HERC3: variants seen among roughly 807,000 people sequenced by gnomAD.
HERC3 encodes HECT and RLD domain containing E3 ubiquitin protein ligase 3, also known as probable E3 ubiquitin-protein ligase HERC3.
In HERC3, 58 loss-of-function variants were observed where a neutral mutation model predicts 129.9. The ratio of observed to expected loss-of-function variants is 0.45; its 90% CI spans 0.36 to 0.56. HERC3 has a LOEUF of 0.56. Ranked by LOEUF, HERC3 falls within the 20% of genes least tolerant of loss-of-function variation. The pLI is 0.00. For synonymous variants in HERC3, 430 were observed against 451.0 expected, an observed-to-expected ratio of 0.95 and a Z score of 0.59; for missense variants, 835 against 1,244.2, an observed-to-expected ratio of 0.67 and a Z score of 4.95.
the HERC3 span, among the ~76,000 whole-genome samples, chr4:88,532,166 T>G: frequency 1.3e-5 from 2 of 152,286 alleles, no homozygotes; most frequent in African/African-American, 4.8e-5. Flanking sequence ...AATAGTGGCC[T>G]GAAACACTAT....
chr4:88,550,582 G>A, the HERC3 span, among the ~76,000 whole-genome samples: 178 of 152,240 alleles, frequency 1.2e-3, no homozygotes, highest in African/African-American at 4.0e-3. Flanking sequence ...TACAAGGGAC[G>A]TGAAGGACCT....
At position 88,681,142 on chromosome 4, in the gene HERC3, G is replaced by T; in HGVS notation, c.2341-17G>T. On this transcript the variant is annotated splice_polypyrimidine_tract_variant and intron_variant, in intron 20 of 25. Coordinates refer to ENST00000402738, the MANE Select transcript of HERC3 (RefSeq NM_014606.3). Reference sequence around the variant, plus strand: ...CATTGCATTTCTTTTTAACACATTTGTATGTGTCCTAAAAAGTGTTTTGTA... The same window carrying T: ...CATTGCATTTCTTTTTAACACATTTTTATGTGTCCTAAAAAGTGTTTTGTA... 6.3e-7 allele frequency: 1 copy of T among 1,589,604 alleles called. No individual in the cohort carries two copies. The highest frequency in any genetic ancestry group is 8.6e-7 in the Non-Finnish European group (1 of 1,168,790).
chr4:88,682,936 T>C (rs185504541), intron 21 of HERC3, among the ~76,000 whole-genome samples: 2,347 of 152,216 alleles, frequency 0.015, 55 homozygotes, highest in African/African-American at 0.054. Flanking sequence ...TACAGTCCCA[T>C]CAACAGTGTA....
chr4:88,557,729 C>T, the HERC3 span, among the ~76,000 whole-genome samples: 2 of 152,072 alleles, frequency 1.3e-5, no homozygotes, highest in African/African-American at 4.8e-5. Flanking sequence ...TTAATACAAC[C>T]ACTGTGGAAA....
intron 3 of HERC3, among the ~76,000 whole-genome samples, chr4:88,627,624 C>A (rs1012459077): frequency 6.6e-6 from 1 of 151,890 alleles, no homozygotes; most frequent in East Asian, 1.9e-4. Context: ...ATTTAGTGGC[C>A]GGGCATGGTG....
chr4:88,695,938 T>C (rs996533093), intron 23 of HERC3: 2 of 152,624 alleles, frequency 1.3e-5, no homozygotes, highest in African/African-American at 2.4e-5. Flanking sequence ...TACTGTTTTA[T>C]TAACACCACA....
At position 88,674,705 on chromosome 4, in the gene HERC3, A is replaced by C. The variant is rs1731975298; in HGVS notation, c.1912-1513A>C. Among the ~76,000 whole-genome samples the C allele has an allele frequency of 1.3e-5, 2 of 152,052 alleles. 1 individual carries two copies. The highest frequency in any genetic ancestry group is 1.3e-4 in the Admixed American group (2 of 15,258). The stretch of plus-strand genomic sequence containing the variant: ...TGGTTTTGTTTTTTTGTTTTTAGTC[A>C]TCTTGATTTCTAACTTCAAAGTAAT... On this transcript the variant is annotated intron_variant, in intron 16 of 25. Transcript: ENST00000402738.
the HERC3 span, among the ~76,000 whole-genome samples, chr4:88,533,496 A>G: frequency 6.6e-6 from 1 of 152,216 alleles, no homozygotes; most frequent in Non-Finnish European, 1.5e-5. Flanking sequence ...ATGTCACCTG[A>G]GACCTATGTG....
intron 9 of HERC3, among the ~76,000 whole-genome samples, chr4:88,658,025 T>G (rs543579230): frequency 1.3e-5 from 2 of 152,138 alleles, no homozygotes; most frequent in South Asian, 4.2e-4. Flanking sequence ...GAAACGGAGG[T>G]CCTTCCGTGG....
intron 23 of HERC3, among the ~76,000 whole-genome samples, chr4:88,694,182 G>A (rs982304054): frequency 7.2e-5 from 11 of 152,166 alleles, no homozygotes; most frequent in East Asian, 3.9e-4. Context: ...CCAGAGCCCC[G>A]GCTCACCTAG....
chr4:88,523,992 T>C, the HERC3 span: 5 of 419,172 alleles, frequency 1.2e-5, no homozygotes, highest in East Asian at 2.2e-4. Context: ...TCAAGGTGTC[T>C]GGGTTTTCAC....
chr4:88,652,188 C>A, intron 5 of HERC3, 100 bp downstream of exon 5: 1 of 879,170 alleles, frequency 1.1e-6, no homozygotes, highest in Non-Finnish European at 1.9e-6. Flanking sequence ...TTTGAATTAA[C>A]TGGTTAGGGT....
At chr4:88,538,967 T>G in the HERC3 span, among the ~76,000 whole-genome samples, 3 of 152,104 alleles carry the variant, frequency 2.0e-5, no homozygotes, top group Non-Finnish European at 2.9e-5. Flanking sequence ...GATGGCCAAA[T>G]AGGAACAGAT....
At chr4:88,596,166 T>C (rs1188451156) in intron 2 of HERC3, among the ~76,000 whole-genome samples, 2 of 152,170 alleles carry the variant, frequency 1.3e-5, no homozygotes, top group Non-Finnish European at 2.9e-5. Context: ...TAATTCTTAG[T>C]GGACCAAAGT....
intron 12 of HERC3, among the ~76,000 whole-genome samples, chr4:88,667,002 G>A (rs533043613): frequency 2.0e-5 from 3 of 152,192 alleles, no homozygotes; most frequent in Admixed American, 6.5e-5. Context: ...CTAGTTCAAT[G>A]AGCCACAAAA....
intron 6 of HERC3, among the ~76,000 whole-genome samples, chr4:88,653,305 C>G (rs1049697737): frequency 6.6e-6 from 1 of 152,210 alleles, no homozygotes; most frequent in Admixed American, 6.5e-5. Flanking sequence ...GTGCAGCTTC[C>G]TGCTTTACAT....
At chr4:88,687,324 C>T (rs765838964) in intron 23 of HERC3, 25 bp downstream of exon 23, 6 of 1,436,062 alleles carry the variant, frequency 4.2e-6, no homozygotes, top group Non-Finnish European at 4.8e-6. Context: ...TGGACTGTTG[C>T]AGATACTGCT....
At chr4:88,590,844 T>G (rs543600093), upstream of HERC3, among the ~76,000 whole-genome samples, 2 of 152,264 alleles carry the variant, frequency 1.3e-5, no homozygotes, top group East Asian at 3.9e-4. Flanking sequence ...ATAAGTGAAT[T>G]GTGTTACTCT....
the HERC3 span, among the ~76,000 whole-genome samples, chr4:88,562,293 C>CT: frequency 6.6e-6 from 1 of 152,072 alleles, no homozygotes; most frequent in Non-Finnish European, 1.5e-5. Context: ...ATTTGTATGT[C>CT]TTATTTTGAG....
Sources: gnomAD v4.1 joint callset for allele counts (sites outside exome capture counted in the v4.1 genomes callset) on GRCh38, gnomAD v4.1.1 for gene constraint, MANE v1.5 for transcripts, NCBI Gene and HGNC (gene_info 2026-07-23, HGNC 2026-07-21) for gene names.